The following RTN1 variants were observed in gnomAD, a reference collection of about 807,000 sequenced individuals.
The protein encoded by RTN1 is reticulon-1.
In RTN1, 25 loss-of-function variants were observed where a neutral mutation model predicts 65.5. The observed-to-expected ratio is 0.38, with a 90% confidence interval of 0.28 to 0.53. The LOEUF (loss-of-function observed/expected upper bound fraction) is 0.53. Ranked by LOEUF, RTN1 falls within the 20% of genes least tolerant of loss-of-function variation. RTN1 has a pLI of 0.79. For synonymous variants in RTN1, 471 were observed against 447.6 expected (o/e 1.05, Z -0.66); for missense variants, 983 against 1,025.4 (o/e 0.96, Z 0.57).
chr14:59,662,889 C>T (rs1383719614), intron 3 of RTN1, among the ~76,000 whole-genome samples: 13 of 152,262 alleles, frequency 8.5e-5, no homozygotes, highest in African/African-American at 1.9e-4. Context: ...CTACCATTGA[C>T]TTTCTTCACC....
At position 59,870,673 on chromosome 14, in the gene RTN1, A is replaced by G; in HGVS notation, c.-43T>C. ...CGCGGCGACGGCGGCTTGGCTGGGC[A>G]GAGGCTCGGTGGCTGCGCGGGCGCT... On this transcript the variant is annotated 5_prime_UTR_variant, in exon 1 of 9. Transcript: ENST00000267484. This position sits in a 1 kb window ranked among gnomAD's most constrained non-coding sequence, Gnocchi z 5.1. 1.5e-6 allele frequency: 2 copies of G among 1,332,092 alleles called. No homozygotes were observed. Among genetic ancestry groups the G allele is most frequent in the Non-Finnish European group, 1.9e-6 (2 of 1,049,788 alleles). The allele number at this position is 1,332,092 out of a possible 1,614,324, so 82.5% of individuals were successfully genotyped here. A position where few individuals can be genotyped will look rare whatever the true frequency, so the allele number is the denominator to read the frequency against.
chr14:59,797,012 T>G (rs1465105474), intron 1 of RTN1, among the ~76,000 whole-genome samples: 2 of 152,194 alleles, frequency 1.3e-5, no homozygotes, highest in East Asian at 3.8e-4. Context: ...TGCAAATTAT[T>G]ATAATCTATG....
At chr14:59,787,995 T>C (rs1594743460) in intron 1 of RTN1, among the ~76,000 whole-genome samples, 1 of 152,336 alleles carries the variant, frequency 6.6e-6, no homozygotes, top group East Asian at 1.9e-4. Flanking sequence ...GGATCTTTCT[T>C]ACCCTTTTCC....
rs1049503146 is a variant in RTN1 at position 59,643,694 on chromosome 14, A to G, written c.1766-36202T>C. 3.3e-5 allele frequency among the ~76,000 whole-genome samples: 5 copies of G among 152,340 alleles called. No homozygotes were observed. In the East Asian group the frequency reaches 9.6e-4, roughly 29 times the overall value. ...AACAAAACTGAGCAGAGATATCAGC[A>G]GCTATATACCATGGAAAAGATAGAT... On this transcript the variant is annotated intron_variant, in intron 3 of 8. Coordinates refer to ENST00000267484, the MANE Select transcript of RTN1 (RefSeq NM_021136.3).
chr14:59,637,934 T>A (rs373205129), intron 3 of RTN1, among the ~76,000 whole-genome samples: 1 of 151,696 alleles, frequency 6.6e-6, no homozygotes, highest in Non-Finnish European at 1.5e-5. Flanking sequence ...TCACTGCAAC[T>A]TCCGCCTCCT....
At chr14:59,679,902 G>C (rs576100763) in intron 3 of RTN1, among the ~76,000 whole-genome samples, 55 of 152,130 alleles carry the variant, frequency 3.6e-4, no homozygotes, top group African/African-American at 1.2e-3. Context: ...TGGGGGTTGG[G>C]GTTTGTTTTT....
At chr14:59,771,570 A>C (rs7151101) in intron 1 of RTN1, among the ~76,000 whole-genome samples, 4,986 of 152,318 alleles carry the variant, frequency 0.033, 258 homozygotes, top group African/African-American at 0.11. Flanking sequence ...GCAATGTGTG[A>C]GGCACATTAG....
At chr14:59,851,053 CAAA>C (rs1324571296) in intron 1 of RTN1, among the ~76,000 whole-genome samples, 2 of 152,056 alleles carry the variant, frequency 1.3e-5, no homozygotes, top group South Asian at 4.2e-4. Flanking sequence ...AAAACAAAAA[CAAA>C]AAAACTCCAG....
chr14:59,703,553 T>A (rs1884225635), intron 3 of RTN1, among the ~76,000 whole-genome samples: 1 of 152,180 alleles, frequency 6.6e-6, no homozygotes, highest in Non-Finnish European at 1.5e-5. Context: ...GAACCATGAG[T>A]CAATAAAACC....
chr14:59,696,332 A>C (rs1403677976), intron 3 of RTN1, among the ~76,000 whole-genome samples: 1 of 152,188 alleles, frequency 6.6e-6, no homozygotes, highest in Non-Finnish European at 1.5e-5. Flanking sequence ...GTGTCTTCAG[A>C]TTGTTTAATG....
rs200648947 is a variant in RTN1, at chr14:59,596,649, G to C, written c.*96C>G. 31 of 939,838 alleles carry C rather than the reference G, an allele frequency of 3.3e-5. No individual in the cohort carries two copies. The highest frequency in any genetic ancestry group is 5.1e-5 in the Non-Finnish European group (29 of 568,572). 58.2% of individuals were successfully genotyped at this position (939,838 alleles called of 1,614,324 possible). Reference sequence around the variant, plus strand: ...TCTAAGATTATGGTACTGGAGGGAGGGGGGAAAGACAATCAATTTGCAGTA... The same window carrying C: ...TCTAAGATTATGGTACTGGAGGGAGCGGGGAAAGACAATCAATTTGCAGTA... On this transcript the variant is annotated 3_prime_UTR_variant, in exon 9 of 9. Coordinates refer to ENST00000267484, the MANE Select transcript of RTN1 (RefSeq NM_021136.3).
chr14:59,635,534 G>C (rs1882645799), intron 3 of RTN1, among the ~76,000 whole-genome samples: 1 of 152,304 alleles, frequency 6.6e-6, no homozygotes, highest in Admixed American at 6.5e-5. Context: ...AGGTGGAAGG[G>C]AGTGGGAAGA....
chr14:59,793,635 AC>A lies in RTN1; in HGVS notation c.242-47155del, dbSNP rs35783508. On this transcript the variant is annotated intron_variant, in intron 1 of 8. Transcript: ENST00000267484. ...ATTACCTTGTCAATTACAGGCACAC[AC>A]CACACACACACACACACACACACAC... Among the ~76,000 whole-genome samples the A allele has an allele frequency of 6.6e-3, 865 of 130,218 alleles. 8 individuals carry two copies. Among genetic ancestry groups the A allele is most frequent in the African/African-American group, 0.013 (391 of 29,036 alleles). 85.4% of individuals were successfully genotyped at this position (130,218 alleles called of 152,430 possible). A position where few individuals can be genotyped will look rare whatever the true frequency, so the allele number is the denominator to read the frequency against.
chr14:59,859,297 C>A (rs186204551), intron 1 of RTN1, among the ~76,000 whole-genome samples: 1 of 152,052 alleles, frequency 6.6e-6, no homozygotes, highest in South Asian at 2.1e-4. Context: ...CTCGTGATAG[C>A]GAGATCTGAT....
intron 1 of RTN1, among the ~76,000 whole-genome samples, chr14:59,847,220 T>C (rs1334911455): frequency 6.6e-6 from 1 of 152,210 alleles, no homozygotes; most frequent in Non-Finnish European, 1.5e-5. Context: ...TCTCCTTCAT[T>C]AGACTATAAC....
At chr14:59,832,719 T>A (rs1392609187) in intron 1 of RTN1, among the ~76,000 whole-genome samples, 1 of 152,218 alleles carries the variant, frequency 6.6e-6, no homozygotes, top group Non-Finnish European at 1.5e-5. Context: ...CCCATTTACA[T>A]TAACCTCTTG....
chr14:59,726,782 C>A, intron 3 of RTN1, 137 bp downstream of exon 3: 2 of 757,530 alleles, frequency 2.6e-6, no homozygotes, highest in Non-Finnish European at 4.2e-6. Flanking sequence ...CTCCCATCCC[C>A]CCTGGAACCG....
chr14:59,785,640 GC>G (rs1886237511), intron 1 of RTN1, among the ~76,000 whole-genome samples: 1 of 152,156 alleles, frequency 6.6e-6, no homozygotes, highest in Admixed American at 6.5e-5. Flanking sequence ...CACCCTCTAT[GC>G]CATAACTATT....
At chr14:59,788,974 C>G (rs1260654179) in intron 1 of RTN1, among the ~76,000 whole-genome samples, 1 of 152,044 alleles carries the variant, frequency 6.6e-6, no homozygotes, top group Non-Finnish European at 1.5e-5. Flanking sequence ...TTATGTAAGT[C>G]TACTTTTATG....
Sources: allele counts gnomAD v4.1 joint callset (sites outside exome capture counted in the v4.1 genomes callset), GRCh38; gene constraint gnomAD v4.1.1; non-coding constraint Gnocchi (gnomAD v3.1); transcripts MANE v1.5; gene names NCBI Gene and HGNC (gene_info 2026-07-23, HGNC 2026-07-21).